ASTN1: variants seen among roughly 807,000 people sequenced by gnomAD.
The protein encoded by ASTN1 is astrotactin 1, also known as astrotactin-1.
A neutral mutation model predicts 140.7 loss-of-function variants in ASTN1; 41 were observed. That is an observed-to-expected ratio of 0.29 (90% CI 0.23 to 0.38). The LOEUF (loss-of-function observed/expected upper bound fraction) is 0.38, where lower values mean the gene tolerates loss of function less well. Ranked by LOEUF, ASTN1 falls within the 10% of genes least tolerant of loss-of-function variation. ASTN1 has a pLI of 1.00. For missense variants in ASTN1, 1,479 were observed against 1,678.8 expected, an observed-to-expected ratio of 0.88 and a Z score of 2.08; for synonymous variants, 640 against 652.2, an observed-to-expected ratio of 0.98 and a Z score of 0.29.
Position 176,894,610 on chromosome 1 carries a change from G to A in ASTN1, c.2892C>T (p.Thr964=), listed in dbSNP as rs778019581. The A allele has an allele frequency of 6.2e-7, 1 of 1,614,070 alleles. No homozygotes were observed. Among genetic ancestry groups the A allele is most frequent in the South Asian group, 1.1e-5 (1 of 91,078 alleles). Residue 964 remains threonine (T), a synonymous_variant, in exon 17 of 23, where the codon ACC becomes ACT. Coordinates refer to ENST00000361833, the MANE Select transcript of ASTN1 (RefSeq NM_004319.3). Reference sequence around the variant, plus strand: ...CTAGTTCATAGATGGGGGCTGCTTTGGTCACCTCCAGCAGAACCGGCTCAG... The same window carrying A: ...CTAGTTCATAGATGGGGGCTGCTTTAGTCACCTCCAGCAGAACCGGCTCAG... The part of the protein sequence containing the change: ...TPAEPVLLEV[T]KAAPIYELVT...
intron 1 of ASTN1, among the ~76,000 whole-genome samples, chr1:177,063,020 C>T (rs958068714): frequency 2.6e-5 from 4 of 152,090 alleles, no homozygotes; most frequent in Non-Finnish European, 5.9e-5. Context: ...GATGATGATA[C>T]TGGTAATGGG....
Position 177,032,696 on chromosome 1 carries a change from T to C in ASTN1, c.625A>G (p.Ile209Val), listed in dbSNP as rs147469774. The change falls in exon 3 of 23, where the codon ATC (isoleucine) becomes GTC (valine). Residue 209 changes from isoleucine to valine, a missense_variant. Coordinates refer to ENST00000361833, the MANE Select transcript of ASTN1 (RefSeq NM_004319.3). ...NEIHYIPSVL[I>V]GGHGRESLRN... Reference sequence around the variant, plus strand: ...AGGCTCTCCCGTCCGTGCCCGCCGATCAGCACAGAAGGAATGTAGTGAATC... The same window carrying C: ...AGGCTCTCCCGTCCGTGCCCGCCGACCAGCACAGAAGGAATGTAGTGAATC... The C allele has an allele frequency of 1.9e-6, 3 of 1,613,986 alleles. No individual in the cohort carries two copies. In the African/African-American group the frequency reaches 4.0e-5, roughly 22 times the overall value.
chr1:176,971,368 A>G (rs1390511176), intron 8 of ASTN1, among the ~76,000 whole-genome samples: 1 of 152,206 alleles, frequency 6.6e-6, no homozygotes, highest in African/African-American at 2.4e-5. Context: ...GGAATGACCA[A>G]TCCCTAGATT....
At chr1:177,149,318 A>G (rs1331553953) in intron 1 of ASTN1, among the ~76,000 whole-genome samples, 1 of 86,112 alleles carries the variant, frequency 1.2e-5, no homozygotes, top group Non-Finnish European at 1.9e-5. Context: ...ATATATATAT[A>G]GTATATATAT....
intron 16 of ASTN1, among the ~76,000 whole-genome samples, chr1:176,896,614 A>C (rs1669516393): frequency 6.6e-6 from 1 of 152,198 alleles, no homozygotes; most frequent in African/African-American, 2.4e-5. Flanking sequence ...TTCTGGGCAA[A>C]CAGCCCTTCA....
chr1:176,917,037 A>G (rs1557958082), intron 16 of ASTN1, among the ~76,000 whole-genome samples: 1 of 152,100 alleles, frequency 6.6e-6, no homozygotes, highest in Non-Finnish European at 1.5e-5. Context: ...AGTCAGCCTG[A>G]GGTTCCCTCA....
chr1:177,119,826 G>T (rs2102176370), intron 1 of ASTN1, among the ~76,000 whole-genome samples: 1 of 152,184 alleles, frequency 6.6e-6, no homozygotes, highest in Non-Finnish European at 1.5e-5. Context: ...TATGCCCACA[G>T]AACTGCCCCA....
At chr1:176,971,484 T>C (rs1441278711) in intron 8 of ASTN1, among the ~76,000 whole-genome samples, 1 of 152,196 alleles carries the variant, frequency 6.6e-6, no homozygotes, top group Non-Finnish European at 1.5e-5. Context: ...TTTGCAGATG[T>C]TGTTTCTCTA....
At chr1:176,892,803 T>C (rs1669321780) in intron 17 of ASTN1, among the ~76,000 whole-genome samples, 1 of 152,202 alleles carries the variant, frequency 6.6e-6, no homozygotes, top group Non-Finnish European at 1.5e-5. Flanking sequence ...TCTTCACTCG[T>C]CATCTCCATT....
chr1:176,949,616 T>C (rs1672109870), intron 11 of ASTN1, among the ~76,000 whole-genome samples: 1 of 152,208 alleles, frequency 6.6e-6, no homozygotes, highest in African/African-American at 2.4e-5. Flanking sequence ...GAGAGCACTG[T>C]AGCAAGACAC....
chr1:176,862,888 G>T lies in ASTN1; in HGVS notation c.*1396C>A, dbSNP rs532062462. 1 of 985,422 alleles carries T rather than the reference G, an allele frequency of 1.0e-6. No individual in the cohort carries two copies. Among genetic ancestry groups the T allele is most frequent in the Admixed American group, 6.1e-5 (1 of 16,284 alleles). The allele number at this position is 985,422 out of a possible 1,614,324, so 61.0% of individuals were successfully genotyped here. On this transcript the variant is annotated 3_prime_UTR_variant, in exon 23 of 23. Transcript: ENST00000361833. ...AGCCTTATAGGTCTTGCATCTGTTT[G>T]CTGACCTTTCTCATATGTTTCCAGA...
Position 176,864,168 on chromosome 1 carries a change from G to T in ASTN1, c.*116C>A. ...GGATCACTTTCTCCCTGGTTTCGAT[G>T]TTGCTGTGGAGGTTTTCATGTTCCA... On this transcript the variant is annotated 3_prime_UTR_variant, in exon 23 of 23. Coordinates refer to ENST00000361833, the MANE Select transcript of ASTN1 (RefSeq NM_004319.3). 1 of 1,502,220 alleles carries T rather than the reference G, an allele frequency of 6.7e-7. No individual in the cohort carries two copies. Among genetic ancestry groups the T allele is most frequent in the South Asian group, 1.3e-5 (1 of 74,092 alleles). The allele number at this position is 1,502,220 out of a possible 1,614,324, so 93.1% of individuals were successfully genotyped here.
intron 1 of ASTN1, among the ~76,000 whole-genome samples, chr1:177,115,981 T>G (rs980548315): frequency 6.6e-6 from 1 of 152,350 alleles, no homozygotes; most frequent in African/African-American, 2.4e-5. Context: ...TTAATATCTT[T>G]ACATGATGAA....
chr1:176,930,577 A>T (rs572320193), intron 16 of ASTN1, among the ~76,000 whole-genome samples: 112 of 152,168 alleles, frequency 7.4e-4, no homozygotes, highest in African/African-American at 2.7e-3. Context: ...ACAGAATTAC[A>T]TCTGGGGCAT....
chr1:176,983,554 G>A (rs1673731730), intron 8 of ASTN1, among the ~76,000 whole-genome samples: 1 of 152,070 alleles, frequency 6.6e-6, no homozygotes, highest in Non-Finnish European at 1.5e-5. Context: ...CCTTTTGGCA[G>A]CATTAACTCA....
chr1:177,153,127 G>C (rs1443074354), intron 1 of ASTN1, among the ~76,000 whole-genome samples: 1 of 152,118 alleles, frequency 6.6e-6, no homozygotes, highest in Non-Finnish European at 1.5e-5. Flanking sequence ...CTGGGTTGTA[G>C]GGGTGGATGC....
chr1:176,934,139 G>A lies in ASTN1; in HGVS notation c.2671+13C>T, dbSNP rs780810120. The A allele has an allele frequency of 1.1e-5, 17 of 1,594,732 alleles. No homozygotes were observed. The Admixed American group carries it at 1.3e-4, about 13-fold the overall frequency. On this transcript the variant is annotated intron_variant, in intron 16 of 22. Transcript: ENST00000361833. The stretch of plus-strand genomic sequence containing the variant: ...CATGAGGTATGGAATTTGCCAACAA[G>A]CATGCCACTCACCTTTACTGATGTC...
intron 2 of ASTN1, among the ~76,000 whole-genome samples, chr1:177,057,144 C>T (rs1677845239): frequency 6.6e-6 from 1 of 152,114 alleles, no homozygotes; most frequent in South Asian, 2.1e-4. Flanking sequence ...TTATTCTATG[C>T]AAGGAAGAAA....
chr1:177,053,881 C>T (rs1381272955), intron 2 of ASTN1, among the ~76,000 whole-genome samples: 3 of 152,160 alleles, frequency 2.0e-5, no homozygotes, highest in African/African-American at 7.2e-5. Context: ...GTCTGAGCTT[C>T]TGGGGTTAGC....
Sources: allele counts gnomAD v4.1 joint callset (sites outside exome capture counted in the v4.1 genomes callset), GRCh38; gene constraint gnomAD v4.1.1; transcripts MANE v1.5; gene names NCBI Gene and HGNC (gene_info 2026-07-23, HGNC 2026-07-21).